The following BCL2 variants were observed in gnomAD, a reference collection of about 807,000 sequenced individuals.
BCL2 encodes apoptosis regulator Bcl-2.
BCL2 carries 1 observed loss-of-function variant against 14.2 expected under a neutral mutation model. That is an observed-to-expected ratio of 0.07 (90% CI 0.02 to 0.33). The LOEUF is 0.33. Among genes scored for constraint, BCL2 ranks in the 10% least tolerant of loss-of-function variants. The pLI is 0.99. For missense variants in BCL2, 247 were observed against 305.9 expected, an observed-to-expected ratio of 0.81 and a Z score of 1.44; for synonymous variants, 151 against 137.2, an observed-to-expected ratio of 1.10 and a Z score of -0.70.
chr18:63,263,803 T>C (rs1277376278), intron 2 of BCL2, among the ~76,000 whole-genome samples: 1 of 152,200 alleles, frequency 6.6e-6, no homozygotes, highest in Non-Finnish European at 1.5e-5. Context: ...ACAATCGGAA[T>C]AATGGGGCCT....
chr18:63,143,312 C>T (rs1914417057), intron 2 of BCL2, among the ~76,000 whole-genome samples: 1 of 152,196 alleles, frequency 6.6e-6, no homozygotes, highest in African/African-American at 2.4e-5. Context: ...AAATATCTTC[C>T]ATCAGCACAA....
chr18:63,179,042 A>G (rs917999142), intron 2 of BCL2, among the ~76,000 whole-genome samples: 3 of 152,354 alleles, frequency 2.0e-5, no homozygotes, highest in Admixed American at 2.0e-4. Flanking sequence ...AGCAGTAAGG[A>G]TATTTCTGGC....
Position 63,204,211 on chromosome 18 carries a change from A to T in BCL2, c.586-75452T>A, listed in dbSNP as rs553118314. On this transcript the variant is annotated intron_variant, in intron 2 of 2. Coordinates refer to ENST00000333681, the MANE Select transcript of BCL2 (RefSeq NM_000633.3). The stretch of plus-strand genomic sequence containing the variant: ...AAAGACTGGAAATAAACAGGTGTCC[A>T]TCATCAGGGGCTGGTTAATTACTCC... Among the ~76,000 whole-genome samples the T allele has an allele frequency of 4.6e-5, 7 of 152,344 alleles. No homozygotes were observed. In the South Asian group the frequency reaches 1.4e-3, roughly 32 times the overall value.
chr18:63,140,476 C>A (rs758272429), intron 2 of BCL2, among the ~76,000 whole-genome samples: 1 of 152,180 alleles, frequency 6.6e-6, no homozygotes, highest in Non-Finnish European at 1.5e-5. Context: ...AAAAAAGGAG[C>A]GAAGCATTGA....
At chr18:63,231,357 T>A (rs1910683097) in intron 2 of BCL2, among the ~76,000 whole-genome samples, 1 of 151,770 alleles carries the variant, frequency 6.6e-6, no homozygotes, top group Non-Finnish European at 1.5e-5. Context: ...ACCTTGCTGA[T>A]GTAATAAAGC....
chr18:63,275,575 C>T (rs1912129906), intron 2 of BCL2, among the ~76,000 whole-genome samples: 1 of 152,226 alleles, frequency 6.6e-6, no homozygotes, highest in African/African-American at 2.4e-5. Context: ...TAATGAGCTT[C>T]ATATTGTCGA....
intron 2 of BCL2, among the ~76,000 whole-genome samples, chr18:63,176,343 A>G (rs1436070983): frequency 6.6e-6 from 1 of 152,224 alleles, no homozygotes; most frequent in African/African-American, 2.4e-5. Flanking sequence ...TAGGAGGCCA[A>G]TGTGGGTGGT....
intron 2 of BCL2, among the ~76,000 whole-genome samples, chr18:63,297,131 T>G (rs1055478689): frequency 2.6e-4 from 40 of 151,960 alleles, no homozygotes; most frequent in African/African-American, 9.4e-4. Context: ...GAGAATGGCA[T>G]GAACCCTGGA....
intron 2 of BCL2, among the ~76,000 whole-genome samples, chr18:63,201,990 T>A (rs1394632932): frequency 6.6e-6 from 1 of 152,040 alleles, no homozygotes; most frequent in Non-Finnish European, 1.5e-5. Flanking sequence ...TAATAATAAA[T>A]TCTACAATGA....
At chr18:63,275,209 T>C (rs1011092931) in intron 2 of BCL2, among the ~76,000 whole-genome samples, 1 of 150,128 alleles carries the variant, frequency 6.7e-6, no homozygotes, top group Admixed American at 6.7e-5. Flanking sequence ...CACTCCAGCC[T>C]GGGTGACAGA....
At position 63,318,520 on chromosome 18, in the gene BCL2, G is replaced by A. The variant is rs200972039; in HGVS notation, c.147C>T (p.Phe49=). The change falls in exon 2 of 3, where the codon TTC becomes TTT. Residue 49 remains phenylalanine (F), a synonymous_variant. Transcript: ENST00000333681. This position sits in a 1 kb window ranked among gnomAD's most constrained non-coding sequence, Gnocchi z 7.4. Reference sequence around the variant, plus strand: ...GGGGCGTGTGCCCGGGCTGGGAGGAGAAGATGCCCGGTGCGGGGGCGGCCC... The same window carrying A: ...GGGGCGTGTGCCCGGGCTGGGAGGAAAAGATGCCCGGTGCGGGGGCGGCCC... The part of the protein sequence containing the change: ...PPGAAPAPGI[F]SSQPGHTPHP... 1 of 1,571,422 alleles carries A rather than the reference G, an allele frequency of 6.4e-7. No individual in the cohort carries two copies. Among genetic ancestry groups the A allele is most frequent in the Admixed American group, 1.8e-5 (1 of 55,130 alleles).
At chr18:63,247,789 A>T (rs987551377) in intron 2 of BCL2, among the ~76,000 whole-genome samples, 10 of 152,206 alleles carry the variant, frequency 6.6e-5, no homozygotes, top group African/African-American at 1.9e-4. Flanking sequence ...CGTCACATCA[A>T]TGTTTAAAAG....
Position 63,254,934 on chromosome 18 carries a change from T to G in BCL2, c.585+63148A>C, listed in dbSNP as rs151182885. Among the ~76,000 whole-genome samples the G allele has an allele frequency of 1.9e-3, 292 of 152,266 alleles. 1 individual carries two copies. Among genetic ancestry groups the G allele is most frequent in the African/African-American group, 6.9e-3 (287 of 41,556 alleles). On this transcript the variant is annotated intron_variant, in intron 2 of 2. Coordinates refer to ENST00000333681, the MANE Select transcript of BCL2 (RefSeq NM_000633.3). ...ATGGAATGCAGGCAGAGATGAAATG[T>G]AGAGGAGAAAGAATGCAAAGCTGCA...
chr18:63,251,075 T>A, intron 2 of BCL2, among the ~76,000 whole-genome samples: 1 of 151,898 alleles, frequency 6.6e-6, no homozygotes, highest in South Asian at 2.1e-4. Flanking sequence ...TTTAATAATG[T>A]AGGTGCACAT....
chr18:63,177,793 C>A (rs1388255889), intron 2 of BCL2, among the ~76,000 whole-genome samples: 1 of 152,116 alleles, frequency 6.6e-6, no homozygotes, highest in Non-Finnish European at 1.5e-5. Flanking sequence ...TAGGACCCTG[C>A]CTGAAGCTTC....
chr18:63,244,836 T>C (rs1182297586), intron 2 of BCL2, among the ~76,000 whole-genome samples: 1 of 152,188 alleles, frequency 6.6e-6, no homozygotes, highest in African/African-American at 2.4e-5. Flanking sequence ...CGTTACAAGA[T>C]TGGTCCTAGA....
intron 2 of BCL2, among the ~76,000 whole-genome samples, chr18:63,219,790 T>C (rs1795058536): frequency 6.6e-6 from 1 of 152,176 alleles, no homozygotes; most frequent in South Asian, 2.1e-4. Flanking sequence ...TTTAAAGACC[T>C]ACCTCACCTC....
At chr18:63,309,715 C>T (rs557525505) in intron 2 of BCL2, among the ~76,000 whole-genome samples, 19 of 152,316 alleles carry the variant, frequency 1.2e-4, no homozygotes, top group Non-Finnish European at 2.2e-4. Context: ...TACAGTTAAA[C>T]GCAGCCATCC....
intron 2 of BCL2, among the ~76,000 whole-genome samples, chr18:63,290,482 T>C (rs879377217): frequency 1.3e-5 from 2 of 152,212 alleles, no homozygotes; most frequent in Non-Finnish European, 2.9e-5. Context: ...TTTGTTCCCT[T>C]AGAACATGTT....
Sources: gnomAD v4.1 joint callset for allele counts (sites outside exome capture counted in the v4.1 genomes callset) on GRCh38, gnomAD v4.1.1 for gene constraint, Gnocchi (gnomAD v3.1) non-coding constraint, MANE v1.5 for transcripts, NCBI Gene and HGNC (gene_info 2026-07-23, HGNC 2026-07-21) for gene names.